SEC14L1: variants seen among roughly 807,000 people sequenced by gnomAD.
SEC14L1 encodes SEC14 like lipid binding 1, also known as SEC14-like protein 1.
In SEC14L1, 48 loss-of-function variants were observed where a neutral mutation model predicts 85.3. The ratio of observed to expected loss-of-function variants is 0.56; its 90% confidence interval spans 0.45 to 0.72. The LOEUF (loss-of-function observed/expected upper bound fraction) is 0.72, where lower values mean the gene tolerates loss of function less well. Ranked by LOEUF, SEC14L1 falls within the 30% of genes least tolerant of loss-of-function variation. The probability of loss-of-function intolerance (pLI) is 0.00; values close to 1 mark genes in which losing one functional copy is unlikely to be tolerated. For missense variants in SEC14L1, 682 were observed against 921.4 expected (o/e 0.74, Z 3.36); for synonymous variants, 391 against 355.5 (o/e 1.10, Z -1.12).
chr17:77,123,801 G>A (rs574337201), intron 3 of SEC14L1, among the ~76,000 whole-genome samples: 11 of 152,278 alleles, frequency 7.2e-5, no homozygotes, highest in African/African-American at 2.4e-4. Flanking sequence ...CAGCTTCCCC[G>A]GCTTGTGGAG....
At chr17:77,104,698 G>A (rs1447416458) in intron 3 of SEC14L1, among the ~76,000 whole-genome samples, 2 of 150,566 alleles carry the variant, frequency 1.3e-5, no homozygotes, top group Non-Finnish European at 3.0e-5. Flanking sequence ...GGCTAAGGCA[G>A]GAGAATCGCT....
intron 3 of SEC14L1, among the ~76,000 whole-genome samples, chr17:77,129,443 C>T (rs1972549264): frequency 6.6e-6 from 1 of 152,160 alleles, no homozygotes. Flanking sequence ...GTGTGATTCT[C>T]AGCTGGAGGT....
At chr17:77,180,265 A>G (rs1260510157) in intron 3 of SEC14L1, among the ~76,000 whole-genome samples, 1 of 150,878 alleles carries the variant, frequency 6.6e-6, no homozygotes, top group African/African-American at 2.4e-5. Flanking sequence ...CACCATGCCC[A>G]GCTGATTTTT....
rs570293371 is a variant in SEC14L1, at chr17:77,208,072, G to A, written c.1476+1210G>A. On this transcript the variant is annotated intron_variant, in intron 13 of 16. Transcript: ENST00000436233. ...TCATCCTTCATATGAAAAGTTACCC[G>A]TTTGGAATGTGTACCCACTGGGTTT... is the stretch of plus-strand genomic sequence containing the variant. Among the ~76,000 whole-genome samples, 36 of 152,256 alleles carry A rather than the reference G, an allele frequency of 2.4e-4. 1 individual carries two copies. Among genetic ancestry groups the A allele is most frequent in the Admixed American group, 2.0e-3 (31 of 15,298 alleles).
rs922675787 is a variant in SEC14L1, at chr17:77,153,709, A to G, written c.63+10050A>G. The stretch of plus-strand genomic sequence containing the variant: ...GTGGTGTTTGTGGTCTGAGGTGTCC[A>G]GTTGTGCTGGGCAGTCAGTCCTTGC... On this transcript the variant is annotated intron_variant, in intron 3 of 16. Coordinates refer to ENST00000436233, the MANE Select transcript of SEC14L1 (RefSeq NM_001143998.2). Among the ~76,000 whole-genome samples the G allele has an allele frequency of 1.1e-4, 17 of 152,174 alleles. No individual in the cohort carries two copies. The South Asian group carries it at 2.7e-3, about 24-fold the overall frequency.
intron 3 of SEC14L1, among the ~76,000 whole-genome samples, chr17:77,096,171 A>C (rs1971638597): frequency 6.6e-6 from 1 of 151,146 alleles, no homozygotes; most frequent in Non-Finnish European, 1.5e-5. Context: ...TGTTGGAATC[A>C]CAGGCATGAG....
rs867415205 is a variant in SEC14L1, at chr17:77,213,507, G to A, written c.2042+15G>A. 10 of 1,603,754 alleles carry A rather than the reference G, an allele frequency of 6.2e-6. No homozygotes were observed. The Middle Eastern group carries it at 9.9e-4, about 159-fold the overall frequency. The stretch of plus-strand genomic sequence containing the variant: ...GAGGATTTCAGGTGCGGCCACCCTC[G>A]CCACAGCAGGTGCTGCGGACAGCTG... On this transcript the variant is annotated intron_variant, in intron 16 of 16. Transcript: ENST00000436233. The surrounding 1 kb of genome is among the most constrained non-coding windows in gnomAD (Gnocchi z 7.1).
chr17:77,214,128 C>G lies in SEC14L1; in HGVS notation c.*105C>G. On this transcript the variant is annotated 3_prime_UTR_variant, in exon 17 of 17. Transcript: ENST00000436233. ...GCGACATTGTACAGACTCCTCTCAC[C>G]TCTAGATAGCAAATAGCTCTCAGAT... is the stretch of plus-strand genomic sequence containing the variant. The G allele has an allele frequency of 6.7e-7, 1 of 1,489,274 alleles. No homozygotes were observed. The highest frequency in any genetic ancestry group is 8.9e-7 in the Non-Finnish European group (1 of 1,122,198). 92.3% of individuals were successfully genotyped at this position (1,489,274 alleles called of 1,614,324 possible).
intron 7 of SEC14L1, among the ~76,000 whole-genome samples, chr17:77,195,713 C>G (rs1012037838): frequency 6.6e-6 from 1 of 152,094 alleles, no homozygotes; most frequent in Non-Finnish European, 1.5e-5. Flanking sequence ...GTCTTGAACT[C>G]CTGATCTCAG....
chr17:77,203,306 A>G (rs563503803), intron 9 of SEC14L1, among the ~76,000 whole-genome samples: 18 of 152,226 alleles, frequency 1.2e-4, no homozygotes, highest in African/African-American at 4.3e-4. Flanking sequence ...GATTCCCCTC[A>G]TCCCGGCACA....
chr17:77,189,798 T>C (rs1477508580), intron 3 of SEC14L1, among the ~76,000 whole-genome samples: 1 of 152,112 alleles, frequency 6.6e-6, no homozygotes, highest in East Asian at 1.9e-4. Context: ...CCGGCTAATT[T>C]TTTGTATCTT....
rs942368914 is a variant in SEC14L1, at chr17:77,214,014, C to G, written c.2139C>G (p.Ile713Met). Reference sequence around the variant, plus strand: ...GCCAGTCCCACTCCAGCTCCATGATCTCCAGGTAGTGCCGCGCTGCCTGCA... The same window carrying G: ...GCCAGTCCCACTCCAGCTCCATGATGTCCAGGTAGTGCCGCGCTGCCTGCA... ...SSSQSHSSSM[I>M]SR is the part of the protein sequence containing the mutation. Residue 713 changes from isoleucine (I) to methionine (M), a missense_variant, in exon 17 of 17, where the codon ATC becomes ATG. Ile to Met is a conservative substitution (Grantham distance 10). This residue lies in a region of SEC14L1 where 420 missense variants were observed against 619.5 expected (regional missense o/e 0.68). Coordinates refer to ENST00000436233, the MANE Select transcript of SEC14L1 (RefSeq NM_001143998.2). 2.5e-6 allele frequency: 4 copies of G among 1,612,718 alleles called. No homozygotes were observed. The highest frequency in any genetic ancestry group is 1.1e-5 in the South Asian group (1 of 91,020).
chr17:77,146,941 G>C (rs1973337907), intron 3 of SEC14L1, among the ~76,000 whole-genome samples: 1 of 152,142 alleles, frequency 6.6e-6, no homozygotes, highest in Non-Finnish European at 1.5e-5. Context: ...AGTAAAATGA[G>C]TTAACCTGAA....
At chr17:77,122,582 C>T (rs1352680310) in intron 3 of SEC14L1, among the ~76,000 whole-genome samples, 2 of 152,270 alleles carry the variant, frequency 1.3e-5, no homozygotes, top group Non-Finnish European at 2.9e-5. Context: ...GTTGGGATTA[C>T]AGGCATGAAG....
At position 77,206,644 on chromosome 17, in the gene SEC14L1, C is replaced by T; in HGVS notation, c.1342-84C>T. The T allele has an allele frequency of 2.0e-6, 3 of 1,483,398 alleles. No individual in the cohort carries two copies. The highest frequency in any genetic ancestry group is 2.7e-6 in the Non-Finnish European group (3 of 1,093,050). 91.9% of individuals were successfully genotyped at this position (1,483,398 alleles called of 1,614,324 possible). On this transcript the variant is annotated intron_variant, in intron 12 of 16. Transcript: ENST00000436233. This position sits in a 1 kb window ranked among gnomAD's most constrained non-coding sequence, Gnocchi z 4.3. The stretch of plus-strand genomic sequence containing the variant: ...CTTGAATGTCTTCCCCCCACCCTCC[C>T]ACTCAGAATACCACATTGTCATTTT...
At chr17:77,140,336 T>TGGGCTCCACCC (rs1288404916), upstream of SEC14L1, among the ~76,000 whole-genome samples, 1 of 152,202 alleles carries the variant, frequency 6.6e-6, no homozygotes, top group African/African-American at 2.4e-5. Context: ...AGGATGCCGC[T>TGGGCTCCACCC]GGGCTCCACC....
chr17:77,174,076 ATTTT>A (rs1567909501), intron 3 of SEC14L1, among the ~76,000 whole-genome samples: 1 of 151,452 alleles, frequency 6.6e-6, no homozygotes, highest in African/African-American at 2.4e-5. Flanking sequence ...AATTTTTTGT[ATTTT>A]ATTTATTTAT....
chr17:77,182,158 TAG>T lies in SEC14L1; in HGVS notation c.64-8644_64-8643del, dbSNP rs561465265. Among the ~76,000 whole-genome samples, 290 of 152,320 alleles carry T rather than the reference TAG, an allele frequency of 1.9e-3. 4 individuals are homozygous for T. The highest frequency in any genetic ancestry group is 6.7e-3 in the African/African-American group (279 of 41,570). ...GTGTTGGCTAAACTGGGTATGAACA[TAG>T]CTCATGTTAAAGGTAGGCTCTTTAG... On this transcript the variant is annotated intron_variant, in intron 3 of 16. Transcript: ENST00000436233.
At chr17:77,162,161 G>A (rs1974093592) in intron 3 of SEC14L1, among the ~76,000 whole-genome samples, 1 of 151,818 alleles carries the variant, frequency 6.6e-6, no homozygotes, top group African/African-American at 2.4e-5. Context: ...CTGGCGCTCG[G>A]CGGGGGAGGG....
Sources: allele counts gnomAD v4.1 joint callset (sites outside exome capture counted in the v4.1 genomes callset), GRCh38; gene constraint gnomAD v4.1.1; regional missense constraint gnomAD v4.1.1; non-coding constraint Gnocchi (gnomAD v3.1); transcripts MANE v1.5; gene names NCBI Gene and HGNC (gene_info 2026-07-23, HGNC 2026-07-21).